Variants in UGGT2 observed in about 807,000 individuals in gnomAD.
The protein encoded by UGGT2 is UDP-glucose:glycoprotein glucosyltransferase 2.
A neutral mutation model predicts 192.1 loss-of-function variants in UGGT2; 180 were observed. The observed-to-expected ratio is 0.94, with a 90% confidence interval of 0.83 to 1.06. The LOEUF is 1.06. Among genes scored for constraint, UGGT2 ranks in the 50% least tolerant of loss-of-function variants. UGGT2 has a pLI of 0.00. For missense variants in UGGT2, 1,849 were observed against 1,795.7 expected (o/e 1.03, Z -0.54); for synonymous variants, 580 against 591.0 (o/e 0.98, Z 0.27).
At chr13:95,952,942 T>C (rs780963067) in intron 12 of UGGT2, among the ~76,000 whole-genome samples, 2 of 152,208 alleles carry the variant, frequency 1.3e-5, no homozygotes, top group African/African-American at 2.4e-5. Context: ...TGATGTCTTT[T>C]ATGGAGTGAC....
At chr13:96,009,302 A>C (rs180834928) in intron 5 of UGGT2, among the ~76,000 whole-genome samples, 234 of 152,336 alleles carry the variant, frequency 1.5e-3, no homozygotes, top group African/African-American at 5.2e-3. Flanking sequence ...CATGACGAAG[A>C]CACCAAAAGC....
Position 95,948,119 on chromosome 13 carries a change from T to C in UGGT2, c.1456-38A>G, listed in dbSNP as rs2049938307. On this transcript the variant is annotated intron_variant, in intron 13 of 38. Coordinates refer to ENST00000376747, the MANE Select transcript of UGGT2 (RefSeq NM_020121.4). ...TAGTATATATCACTATTTCAACACC[T>C]TAGAATCTTCATGAAATTCAAGTTT... The C allele has an allele frequency of 6.7e-6, 10 of 1,497,242 alleles. No individual in the cohort carries two copies. In the South Asian group the frequency reaches 9.6e-5, roughly 14 times the overall value. The allele number at this position is 1,497,242 out of a possible 1,614,324, so 92.7% of individuals were successfully genotyped here. A position where few individuals can be genotyped will look rare whatever the true frequency, so the allele number is the denominator to read the frequency against.
chr13:96,032,227 C>T (rs2052859194), intron 1 of UGGT2, among the ~76,000 whole-genome samples: 2 of 152,008 alleles, frequency 1.3e-5, no homozygotes, highest in South Asian at 4.1e-4. Flanking sequence ...TTTGGCTTTT[C>T]CTTGTTATTA....
chr13:96,003,123 C>T (rs1165533034), intron 5 of UGGT2, among the ~76,000 whole-genome samples: 1 of 151,986 alleles, frequency 6.6e-6, no homozygotes, highest in East Asian at 1.9e-4. Context: ...GTCTATTGTC[C>T]CTTGCTGCCT....
chr13:95,911,849 C>T (rs1159308405), intron 20 of UGGT2, among the ~76,000 whole-genome samples: 5 of 152,274 alleles, frequency 3.3e-5, no homozygotes, highest in South Asian at 2.1e-4. Context: ...AAAATACTGG[C>T]AAACCAAATC....
At chr13:95,909,767 TAATAATAATAATAAA>T (rs1566677705) in intron 20 of UGGT2, among the ~76,000 whole-genome samples, 1 of 62,070 alleles carries the variant, frequency 1.6e-5, no homozygotes, top group Non-Finnish European at 3.2e-5. Flanking sequence ...ATAATAATAA[TAATAATAATAATAAA>T]AAAGATTCCT....
chr13:95,985,391 G>A, intron 9 of UGGT2: 2 of 641,916 alleles, frequency 3.1e-6, no homozygotes, highest in Non-Finnish European at 4.6e-6. Context: ...AAAAATCCTT[G>A]GTATCTTGTA....
intron 5 of UGGT2, among the ~76,000 whole-genome samples, chr13:96,001,478 C>G (rs930756188): frequency 2.0e-5 from 3 of 152,120 alleles, no homozygotes; most frequent in Non-Finnish European, 4.4e-5. Flanking sequence ...CCCGCCTGCA[C>G]CCAGGTGAAA....
intron 35 of UGGT2, among the ~76,000 whole-genome samples, chr13:95,853,907 A>T (rs1214412652): frequency 6.6e-6 from 1 of 152,170 alleles, no homozygotes; most frequent in Non-Finnish European, 1.5e-5. Context: ...CATGAAACTC[A>T]TGGCCTTACA....
intron 4 of UGGT2, 150 bp from the exon 5 acceptor site, chr13:96,013,631 T>C: frequency 2.0e-6 from 1 of 511,946 alleles, no homozygotes; most frequent in Non-Finnish European, 3.0e-6. Context: ...TACACATAAC[T>C]TGAACTAAAT....
Position 95,906,484 on chromosome 13 carries a change from C to G in UGGT2, c.2296-3424G>C, listed in dbSNP as rs115709502. On this transcript the variant is annotated intron_variant, in intron 20 of 38. Transcript: ENST00000376747. ...CAGTTTCTCAGAGAAACGTGGGACA[C>G]CATTAAGCATGCCAACATATGCATT... Among the ~76,000 whole-genome samples, 1,193 of 152,032 alleles carry G rather than the reference C, an allele frequency of 7.8e-3. 22 individuals carry two copies. Among genetic ancestry groups the G allele is most frequent in the African/African-American group, 0.027 (1,130 of 41,464 alleles).
chr13:95,839,428 A>G (rs1433591770), intron 36 of UGGT2, among the ~76,000 whole-genome samples: 1 of 152,184 alleles, frequency 6.6e-6, no homozygotes, highest in East Asian at 1.9e-4. Flanking sequence ...TGTCAGCACA[A>G]TGTTGTCAAG....
chr13:95,872,785 A>G (rs1212885028), intron 29 of UGGT2, among the ~76,000 whole-genome samples: 1 of 152,212 alleles, frequency 6.6e-6, no homozygotes, highest in Non-Finnish European at 1.5e-5. Flanking sequence ...TGTATGATAG[A>G]AAATAATAGT....
intron 1 of UGGT2, among the ~76,000 whole-genome samples, chr13:96,039,028 C>T (rs2053088815): frequency 6.6e-6 from 1 of 151,946 alleles, no homozygotes; most frequent in Non-Finnish European, 1.5e-5. Context: ...CTCTAATTCC[C>T]AAAGGAAAAA....
Position 95,887,893 on chromosome 13 carries a change from T to C in UGGT2, c.3037A>G (p.Ser1013Gly). The change falls in exon 26 of 39, where the codon AGC becomes GGC. Residue 1013 changes from serine to glycine, a missense_variant and splice_region_variant. Transcript: ENST00000376747. The stretch of plus-strand genomic sequence containing the variant: ...GAAATTTTGTTCACTCAGATTTACC[T>C]TTCTAAAGGGGCTTCTGAAAGCCTG... ...RGRLSEAPLE[S>G]FYRFVLEPEL... The C allele has an allele frequency of 8.8e-6, 14 of 1,585,536 alleles. No homozygotes were observed. The Middle Eastern group carries it at 5.2e-4, about 59-fold the overall frequency.
At chr13:95,845,402 T>C (rs1888307679) in intron 36 of UGGT2, among the ~76,000 whole-genome samples, 1 of 110,284 alleles carries the variant, frequency 9.1e-6, no homozygotes, top group South Asian at 3.4e-4. Context: ...CAAGCATCTG[T>C]TTAACAAAGC....
At chr13:95,866,463 ATT>A (rs1160227015) in intron 30 of UGGT2, among the ~76,000 whole-genome samples, 3 of 152,226 alleles carry the variant, frequency 2.0e-5, no homozygotes, top group Admixed American at 6.5e-5. Flanking sequence ...TATTCCAGAG[ATT>A]TATGGATGTC....
chr13:96,034,084 C>T (rs547481158), intron 1 of UGGT2, among the ~76,000 whole-genome samples: 3 of 152,146 alleles, frequency 2.0e-5, no homozygotes, highest in Non-Finnish European at 2.9e-5. Context: ...CACTTACCCC[C>T]CTCTGAAGCC....
At chr13:95,990,725 A>G (rs943223453) in intron 7 of UGGT2, 2 of 151,700 alleles carry the variant, frequency 1.3e-5, no homozygotes, top group African/African-American at 4.9e-5. Flanking sequence ...TACAAAATAC[A>G]TATTTTCATT....
Sources: allele counts gnomAD v4.1 joint callset (sites outside exome capture counted in the v4.1 genomes callset), GRCh38; gene constraint gnomAD v4.1.1; transcripts MANE v1.5; gene names NCBI Gene and HGNC (gene_info 2026-07-23, HGNC 2026-07-21).